The following UGGT1 variants were observed in gnomAD, a reference collection of about 807,000 sequenced individuals.
The protein encoded by UGGT1 is UDP-glucose:glycoprotein glucosyltransferase 1.
A neutral mutation model predicts 203.9 loss-of-function variants in UGGT1; 107 were observed. The ratio of observed to expected loss-of-function variants is 0.52; its 90% CI spans 0.45 to 0.62. The LOEUF (loss-of-function observed/expected upper bound fraction) is 0.62. UGGT1 is among the 20% of genes least tolerant of loss of function. The pLI is 0.00. For missense variants in UGGT1, 1,673 were observed against 1,867.2 expected, an observed-to-expected ratio of 0.90 and a Z score of 1.92; for synonymous variants, 628 against 653.5, an observed-to-expected ratio of 0.96 and a Z score of 0.59.
chr2:128,187,002 C>A (rs748760), intron 39 of UGGT1, among the ~76,000 whole-genome samples: 64,884 of 151,872 alleles, frequency 0.43, 14,045 homozygotes, highest in South Asian at 0.57. Flanking sequence ...GAATTAGTAT[C>A]GTTTGTTGTA....
At chr2:128,094,662 T>C (rs771734082) in intron 1 of UGGT1, among the ~76,000 whole-genome samples, 22 of 151,848 alleles carry the variant, frequency 1.4e-4, no homozygotes, top group Non-Finnish European at 3.2e-4. Context: ...TATTGTGTCC[T>C]GTAGAGCAGG....
chr2:128,165,652 G>A (rs1489222794), intron 26 of UGGT1, among the ~76,000 whole-genome samples: 5 of 152,060 alleles, frequency 3.3e-5, no homozygotes, highest in Non-Finnish European at 5.9e-5. Context: ...AGCAGAGATC[G>A]TGCCATTGCA....
In UGGT1 at chr2:128,168,896, A is replaced by G. The variant is rs1019758612; in HGVS notation, c.2922-1392A>G. ...ACACCGTCTCTACTAACAATACACA[A>G]ATTAGCTGGGCATGGTGGCATGTGC... On this transcript the variant is annotated intron_variant, in intron 26 of 40. Transcript: ENST00000259253. Among the ~76,000 whole-genome samples, 6 of 151,726 alleles carry G rather than the reference A, an allele frequency of 4.0e-5. No homozygotes were observed. In the East Asian group the frequency reaches 1.2e-3, roughly 29 times the overall value.
At chr2:128,113,367 C>G in intron 6 of UGGT1, 109 bp downstream of exon 6, 1 of 955,516 alleles carries the variant, frequency 1.0e-6, no homozygotes, top group Middle Eastern at 3.6e-4. Flanking sequence ...TTATTTGAAT[C>G]CCTTTTTTGA....
chr2:128,118,173 G>A (rs6430988), intron 8 of UGGT1, among the ~76,000 whole-genome samples: 136,808 of 152,000 alleles, frequency 0.9, 62,345 homozygotes, highest in Non-Finnish European at 0.98. Context: ...CATCCTACAT[G>A]TATATACATT....
At chr2:128,144,560 T>C (rs1443319442) in intron 17 of UGGT1, among the ~76,000 whole-genome samples, 1 of 152,268 alleles carries the variant, frequency 6.6e-6, no homozygotes, top group Middle Eastern at 3.2e-3. Context: ...TGAGTTTTAA[T>C]GGATATCTAT....
intron 1 of UGGT1, among the ~76,000 whole-genome samples, chr2:128,095,104 T>C (rs1470353216): frequency 6.6e-6 from 1 of 152,124 alleles, no homozygotes; most frequent in African/African-American, 2.4e-5. Flanking sequence ...TTTGCTCCTC[T>C]GTGGGAAATG....
chr2:128,113,335 C>G (rs1687951413), intron 6 of UGGT1, 77 bp downstream of exon 6: 9 of 1,166,768 alleles, frequency 7.7e-6, no homozygotes, highest in Non-Finnish European at 9.1e-6. Context: ...CTAATAATCT[C>G]CCTCTTTATA....
In UGGT1 at chr2:128,129,397, A is replaced by AT. The variant is rs70988610; in HGVS notation, c.1377+236dup. ...TGTTGCTAATGTGGTTAAGACAGTG[A>AT]TTTTTTTTTTTTTTTTTTCAAGACA... is the stretch of plus-strand genomic sequence containing the variant. On this transcript the variant is annotated intron_variant, in intron 13 of 40. Coordinates refer to ENST00000259253, the MANE Select transcript of UGGT1 (RefSeq NM_020120.4). Among the ~76,000 whole-genome samples the AT allele has an allele frequency of 7.7e-3, 1,022 of 132,198 alleles. 10 individuals are homozygous for AT. The highest frequency in any genetic ancestry group is 0.016 in the Middle Eastern group (4 of 258). 86.7% of individuals were successfully genotyped at this position (132,198 alleles called of 152,430 possible). A position where few individuals can be genotyped will look rare whatever the true frequency, so the allele number is the denominator to read the frequency against.
chr2:128,113,650 G>A (rs922661925), intron 6 of UGGT1, among the ~76,000 whole-genome samples: 4 of 152,012 alleles, frequency 2.6e-5, no homozygotes, highest in Non-Finnish European at 5.9e-5. Flanking sequence ...CTAAACAGGC[G>A]ATTCATAGGT....
In UGGT1 at chr2:128,129,068, G is replaced by A. The variant is rs73955931; in HGVS notation, c.1266G>A (p.Glu422=). 7.8e-4 allele frequency: 1,251 copies of A among 1,613,080 alleles called. 9 individuals are homozygous for A. The African/African-American group carries it at 0.014, about 18-fold the overall frequency. The change falls in exon 13 of 41, where the codon GAG becomes GAA. Residue 422 remains glutamate, a synonymous_variant. Transcript: ENST00000259253. ...TGAGGAATGAAGCTCGGGTAATGGA[G>A]GGTCTGCATAGATTGGGAATAGAAG... is the stretch of plus-strand genomic sequence containing the variant. ...DVLRNEARVM[E]GLHRLGIEGL...
intron 9 of UGGT1, among the ~76,000 whole-genome samples, chr2:128,120,941 G>T (rs4477850): frequency 3.3e-5 from 5 of 152,108 alleles, no homozygotes; most frequent in African/African-American, 1.2e-4. Flanking sequence ...GATTTAGCCT[G>T]TGCTACATGC....
chr2:128,118,721 C>T (rs1688241332), intron 8 of UGGT1, among the ~76,000 whole-genome samples: 1 of 152,044 alleles, frequency 6.6e-6, no homozygotes, highest in South Asian at 2.1e-4. Flanking sequence ...AGTAATTAGA[C>T]CTTTTTTTTT....
chr2:128,139,164 G>A (rs1689287315), intron 16 of UGGT1, among the ~76,000 whole-genome samples: 1 of 152,146 alleles, frequency 6.6e-6, no homozygotes, highest in Non-Finnish European at 1.5e-5. Flanking sequence ...TTTATACTTT[G>A]TTATTTTATT....
intron 2 of UGGT1, among the ~76,000 whole-genome samples, chr2:128,102,912 G>A (rs1165710101): frequency 6.6e-6 from 1 of 152,174 alleles, no homozygotes; most frequent in Non-Finnish European, 1.5e-5. Context: ...GCCAAGCTTG[G>A]TGTGGTGTCT....
Position 128,104,251 on chromosome 2 carries a change from A to G in UGGT1, c.277+237A>G, listed in dbSNP as rs1285594933. ...TTTTTTCCCCTCTTGTTTTTGTTCTATCGTGATCCTTTATTAAAGTGCTAT... is the reference window on the plus strand; with the variant it reads ...TTTTTTCCCCTCTTGTTTTTGTTCTGTCGTGATCCTTTATTAAAGTGCTAT... On this transcript the variant is annotated intron_variant, in intron 3 of 40. Coordinates refer to ENST00000259253, the MANE Select transcript of UGGT1 (RefSeq NM_020120.4). Among the ~76,000 whole-genome samples the G allele has an allele frequency of 4.6e-5, 7 of 152,240 alleles. No individual in the cohort carries two copies. The South Asian group carries it at 6.2e-4, about 14-fold the overall frequency.
chr2:128,127,341 T>TAATTATTAA lies in UGGT1; in HGVS notation c.1135-15_1135-7dup, dbSNP rs1688654029. On this transcript the variant is annotated intron_variant, in intron 11 of 40. Transcript: ENST00000259253. ...AAAACATTCTCTCACAGCTCCCTAA[T>TAATTATTAA]AATTATTAAAATTTTTCAGTATTTC... 2 of 1,572,114 alleles carry TAATTATTAA rather than the reference T, an allele frequency of 1.3e-6. No homozygotes were observed. Among genetic ancestry groups the TAATTATTAA allele is most frequent in the Non-Finnish European group, 8.7e-7 (1 of 1,144,886 alleles).
chr2:128,109,767 T>C (rs2105360528), intron 5 of UGGT1, 21 bp downstream of exon 5: 1 of 1,590,328 alleles, frequency 6.3e-7, no homozygotes, highest in East Asian at 2.2e-5. Context: ...TGTTTCTTTA[T>C]TTTCATGTCA....
In UGGT1 at chr2:128,164,755, G is replaced by A. The variant is rs1690700697; in HGVS notation, c.2851G>A (p.Asp951Asn). ...GGCAAGCGACTTGGTAATGAAGGTG[G>A]ATGCTCTTCTGTCAGCGCAACCAAA... ...DVASDLVMKV[D>N]ALLSAQPKGD... is the part of the protein sequence containing the mutation. The change falls in exon 26 of 41, where the codon GAT becomes AAT. Residue 951 changes from aspartate (D) to asparagine (N), a missense_variant. Around this residue, in one of 4 missense-constraint regions of UGGT1, gnomAD observed 1,073 missense variants for 1,078.7 expected, o/e 0.99. Coordinates refer to ENST00000259253, the MANE Select transcript of UGGT1 (RefSeq NM_020120.4). The A allele has an allele frequency of 6.2e-7, 1 of 1,613,740 alleles. No homozygotes were observed. Among genetic ancestry groups the A allele is most frequent in the Non-Finnish European group, 8.5e-7 (1 of 1,179,806 alleles).
Sources: gnomAD v4.1 joint callset for allele counts (sites outside exome capture counted in the v4.1 genomes callset) on GRCh38, gnomAD v4.1.1 for gene constraint, gnomAD v4.1.1 regional missense constraint, MANE v1.5 for transcripts, NCBI Gene and HGNC (gene_info 2026-07-23, HGNC 2026-07-21) for gene names.